The following CELSR2 variants were observed in gnomAD, a reference collection of about 807,000 sequenced individuals.
CELSR2 encodes the protein cadherin EGF LAG seven-pass G-type receptor 2, also known as EGF-like protein 2.
A neutral mutation model predicts 251.6 loss-of-function variants in CELSR2; 81 were observed. That is an observed-to-expected ratio of 0.32 (90% CI 0.27 to 0.39). The LOEUF is 0.39. Ranked by LOEUF, CELSR2 falls within the 10% of genes least tolerant of loss-of-function variation. The pLI is 1.00. For missense variants in CELSR2, 3,365 were observed against 3,947.7 expected (o/e 0.85, Z 3.96); for synonymous variants, 1,721 against 1,670.5 (o/e 1.03, Z -0.74).
rs746129843 is a variant in CELSR2 at position 109,252,022 on chromosome 1, C to T, written c.1943C>T (p.Thr648Ile). Residue 648 changes from threonine (T) to isoleucine (I), a missense_variant, in exon 1 of 34, where the codon ACC (threonine) becomes ATC (isoleucine). Thr to Ile is a moderately conservative substitution (Grantham distance 89). Around this residue, in one of 5 missense-constraint regions of CELSR2, gnomAD observed 60 missense variants for 104.8 expected, o/e 0.57. Transcript: ENST00000271332. The surrounding 1 kb of genome is among the most constrained non-coding windows in gnomAD (Gnocchi z 4.8). ...CATAGTGTCATCACCTACCAGATCA[C>T]CAGTGGCAATACTCGAAACCGCTTC... ...DAHSVITYQI[T>I]SGNTRNRFSI... 1 of 1,614,136 alleles carries T rather than the reference C, an allele frequency of 6.2e-7. No individual in the cohort carries two copies. Among genetic ancestry groups the T allele is most frequent in the Admixed American group, 1.7e-5 (1 of 60,020 alleles).
Position 109,267,401 on chromosome 1 carries a change from C to G in CELSR2, c.6014-147C>G, listed in dbSNP as rs545868343. 135 of 661,784 alleles carry G rather than the reference C, an allele frequency of 2.0e-4. 3 individuals are homozygous for G. In the South Asian group the frequency reaches 2.5e-3, roughly 12 times the overall value. The allele number at this position is 661,784 out of a possible 1,614,324, so 41.0% of individuals were successfully genotyped here. On this transcript the variant is annotated intron_variant, in intron 15 of 33. Coordinates refer to ENST00000271332, the MANE Select transcript of CELSR2 (RefSeq NM_001408.3). Reference sequence around the variant, plus strand: ...ATTTTTGGCCCTGGTGTTCTACATACCTGTCTTCCTGTTTCACCAGGGCCC... The same window carrying G: ...ATTTTTGGCCCTGGTGTTCTACATAGCTGTCTTCCTGTTTCACCAGGGCCC...
intron 15 of CELSR2, among the ~76,000 whole-genome samples, chr1:109,266,701 GCA>G (rs1656204523): frequency 6.9e-6 from 1 of 144,690 alleles, no homozygotes; most frequent in Non-Finnish European, 1.5e-5. Flanking sequence ...GTGAGCCACT[GCA>G]CCCCACCACA....
rs1441649975 is a variant in CELSR2, at chr1:109,263,787, G to A, written c.5001+10G>A. The A allele has an allele frequency of 6.2e-7, 1 of 1,611,066 alleles. No individual in the cohort carries two copies. Among genetic ancestry groups the A allele is most frequent in the Middle Eastern group, 1.7e-4 (1 of 6,050 alleles). ...CACCATCACCCTACAGGTGATGCAT[G>A]GAAGGGCGGCTGGCCCTGGCCTGGC... On this transcript the variant is annotated intron_variant, in intron 9 of 33. Transcript: ENST00000271332.
intron 16 of CELSR2, 101 bp downstream of exon 16, chr1:109,267,743 C>T: frequency 1.3e-6 from 2 of 1,553,412 alleles, no homozygotes; most frequent in Non-Finnish European, 1.7e-6. Flanking sequence ...GAATTCCAGC[C>T]TGTGTGTTCC....
Position 109,269,911 on chromosome 1 carries a change from C to G in CELSR2, c.7108-22C>G, listed in dbSNP as rs1570792556. ...GGTCCTGCCCTTCCTAATTCCCTGG[C>G]CCCCTGCCACCTACTCTGCAGAATG... On this transcript the variant is annotated intron_variant, in intron 22 of 33. Coordinates refer to ENST00000271332, the MANE Select transcript of CELSR2 (RefSeq NM_001408.3). This position sits in a 1 kb window ranked among gnomAD's most constrained non-coding sequence, Gnocchi z 6.4. 1 of 1,614,058 alleles carries G rather than the reference C, an allele frequency of 6.2e-7. No homozygotes were observed. The highest frequency in any genetic ancestry group is 8.5e-7 in the Non-Finnish European group (1 of 1,179,968).
rs777769245 is a variant in CELSR2 at position 109,268,590 on chromosome 1, C to T, written c.6328C>T (p.Arg2110Trp). ...ACCTTGCCCACCCCAGAATCTGCTG[C>T]GGGTGGGCAGCGCCCTCCTGGACAC... ...QDVHFTENLL[R>W]VGSALLDTAN... Residue 2110 changes from arginine to tryptophan, a missense_variant, in exon 18 of 34, where the codon CGG (arginine) becomes TGG (tryptophan). Arg to Trp is a moderately radical substitution (Grantham distance 101, BLOSUM62 -3). Around this residue, in one of 5 missense-constraint regions of CELSR2, gnomAD observed 2,093 missense variants for 2,382.8 expected, o/e 0.88. Transcript: ENST00000271332. 113 of 1,608,570 alleles carry T rather than the reference C, an allele frequency of 7.0e-5. No individual in the cohort carries two copies. Among genetic ancestry groups the T allele is most frequent in the South Asian group, 2.9e-4 (26 of 90,598 alleles).
At position 109,269,637 on chromosome 1, in the gene CELSR2, C is replaced by T; in HGVS notation, c.6980+46C>T. The stretch of plus-strand genomic sequence containing the variant: ...CCCCCTCAGGCTTCGGGCTGAAAGT[C>T]CAGGCCCCTGCATGCCTCACCCTCC... On this transcript the variant is annotated intron_variant, in intron 21 of 33. Coordinates refer to ENST00000271332, the MANE Select transcript of CELSR2 (RefSeq NM_001408.3). The surrounding 1 kb of genome is among the most constrained non-coding windows in gnomAD (Gnocchi z 6.4). The T allele has an allele frequency of 6.2e-7, 1 of 1,613,550 alleles. No homozygotes were observed. The highest frequency in any genetic ancestry group is 1.1e-5 in the South Asian group (1 of 91,068).
intron 24 of CELSR2, 128 bp downstream of exon 24, chr1:109,270,728 T>C: frequency 7.9e-7 from 1 of 1,267,940 alleles, no homozygotes; most frequent in Middle Eastern, 1.9e-4. Flanking sequence ...TATTCACAGG[T>C]GTCCCTCTGG....
chr1:109,265,380 G>A, intron 13 of CELSR2, 69 bp downstream of exon 13: 1 of 1,498,554 alleles, frequency 6.7e-7, no homozygotes, highest in Non-Finnish European at 9.0e-7. Flanking sequence ...GGCCCTAGAG[G>A]GCAGGCTGTA....
rs1450662399 is a variant in CELSR2, at chr1:109,269,126, C to T, written c.6648C>T (p.Val2216=). Residue 2216 remains valine (V), a synonymous_variant, in exon 20 of 34, where the codon GTC becomes GTT. Transcript: ENST00000271332. This position sits in a 1 kb window ranked among gnomAD's most constrained non-coding sequence, Gnocchi z 6.4. The part of the protein sequence containing the change: ...ESVFRETPPV[V]RPAGPGEAQE... ...CCCTCCCAGAGACGCCCCCCGTGGT[C>T]AGGCCCGCAGGCCCCGGAGAGGCCC... 1 of 1,601,650 alleles carries T rather than the reference C, an allele frequency of 6.2e-7. No homozygotes were observed. Among genetic ancestry groups the T allele is most frequent in the African/African-American group, 1.3e-5 (1 of 74,278 alleles).
intron 15 of CELSR2, 23 bp downstream of exon 15, chr1:109,266,229 T>G (rs367743366): frequency 4.3e-6 from 7 of 1,613,002 alleles, no homozygotes; most frequent in Non-Finnish European, 5.9e-6. Context: ...GGCCCCGATG[T>G]GATGTCGAGG....
At chr1:109,263,459 G>T in intron 8 of CELSR2, 152 bp from the exon 9 acceptor site, 2 of 1,355,594 alleles carry the variant, frequency 1.5e-6, no homozygotes, top group Non-Finnish European at 2.0e-6. Context: ...GGCACAGCGT[G>T]GGGCGGTCCC....
chr1:109,268,197 G>A, intron 17 of CELSR2, 137 bp downstream of exon 17: 3 of 1,301,416 alleles, frequency 2.3e-6, no homozygotes, highest in Non-Finnish European at 3.1e-6. Context: ...AGGCCTCCAT[G>A]AAACCCTGTG....
chr1:109,250,801 T>C lies in CELSR2; in HGVS notation c.722T>C (p.Val241Ala). 1.9e-6 allele frequency: 3 copies of C among 1,614,064 alleles called. No individual in the cohort carries two copies. Among genetic ancestry groups the C allele is most frequent in the Non-Finnish European group, 2.5e-6 (3 of 1,180,010 alleles). ...FFSLDPVTGA[V>A]TTAEELDRET... ...TCCCTGGACCCAGTCACTGGTGCAG[T>C]AACCACAGCCGAGGAGCTGGATCGT... The change falls in exon 1 of 34, where the codon GTA becomes GCA. Residue 241 changes from valine to alanine, a missense_variant. Physicochemically the swap from Val to Ala is moderately conservative, Grantham distance 64. Transcript: ENST00000271332. This position sits in a 1 kb window ranked among gnomAD's most constrained non-coding sequence, Gnocchi z 4.4.
Position 109,267,871 on chromosome 1 carries a change from T to C in CELSR2, c.6129T>C (p.Asn2043=). 1 of 1,604,312 alleles carries C rather than the reference T, an allele frequency of 6.2e-7. No individual in the cohort carries two copies. Among genetic ancestry groups the C allele is most frequent in the Non-Finnish European group, 8.5e-7 (1 of 1,175,514 alleles). Residue 2043 remains asparagine, a synonymous_variant, in exon 17 of 34, where the codon AAT becomes AAC. Transcript: ENST00000271332. ...LKGFAERLQR[N]ESGLDSGRSQ... Reference sequence around the variant, plus strand: ...TCTAGGCTGAGCGGCTACAGCGGAATGAGTCAGGCCTAGACTCAGGGCGCT... The same window carrying C: ...TCTAGGCTGAGCGGCTACAGCGGAACGAGTCAGGCCTAGACTCAGGGCGCT...
At chr1:109,270,285 G>T (rs1054696243) in intron 23 of CELSR2, 141 bp from the exon 24 acceptor site, 8 of 1,266,388 alleles carry the variant, frequency 6.3e-6, no homozygotes, top group Non-Finnish European at 8.9e-6. Context: ...GCTCCCCCGG[G>T]ATCCCCCAGC....
chr1:109,270,858 C>A lies in CELSR2; in HGVS notation c.7484-69C>A. ...TTCATGCCTGGCCCTGTGAGCCCACCTGCCCGCAGCCCTACTTCCCAGGCC... is the reference window on the plus strand; with the variant it reads ...TTCATGCCTGGCCCTGTGAGCCCACATGCCCGCAGCCCTACTTCCCAGGCC... On this transcript the variant is annotated intron_variant, in intron 24 of 33. Transcript: ENST00000271332. 2.5e-6 allele frequency: 3 copies of A among 1,185,090 alleles called. No individual in the cohort carries two copies. The South Asian group carries it at 4.0e-5, about 16-fold the overall frequency. The allele number at this position is 1,185,090 out of a possible 1,614,324, so 73.4% of individuals were successfully genotyped here. A position where few individuals can be genotyped will look rare whatever the true frequency, so the allele number is the denominator to read the frequency against.
rs751483830 is a variant in CELSR2, at chr1:109,269,132, C to T, written c.6654C>T (p.Pro2218=). The T allele has an allele frequency of 3.2e-5, 51 of 1,606,534 alleles. No homozygotes were observed. Among genetic ancestry groups the T allele is most frequent in the African/African-American group, 1.3e-4 (10 of 74,526 alleles). ...VFRETPPVVR[P]AGPGEAQEPE... is the part of the protein sequence containing the mutation. ...CAGAGACGCCCCCCGTGGTCAGGCC[C>T]GCAGGCCCCGGAGAGGCCCAGGAGC... is the stretch of plus-strand genomic sequence containing the variant. The change falls in exon 20 of 34, where the codon CCC becomes CCT. Residue 2218 remains proline (P), a synonymous_variant. Coordinates refer to ENST00000271332, the MANE Select transcript of CELSR2 (RefSeq NM_001408.3). This position sits in a 1 kb window ranked among gnomAD's most constrained non-coding sequence, Gnocchi z 6.4.
chr1:109,263,743 C>T lies in CELSR2; in HGVS notation c.4967C>T (p.Ala1656Val). The T allele has an allele frequency of 6.2e-7, 1 of 1,613,726 alleles. No individual in the cohort carries two copies. Among genetic ancestry groups the T allele is most frequent in the Non-Finnish European group, 8.5e-7 (1 of 1,179,982 alleles). Residue 1656 changes from alanine (A) to valine (V), a missense_variant, in exon 9 of 34, where the codon GCC (alanine) becomes GTC (valine). Ala to Val is a moderately conservative substitution (Grantham distance 64). Around this residue, in one of 5 missense-constraint regions of CELSR2, gnomAD observed 2,093 missense variants for 2,382.8 expected, o/e 0.88. Transcript: ENST00000271332. ...TRQADGVLLQ[A>V]ITRGRSTITL... ...CAGGCCGACGGTGTCCTGCTGCAGG[C>T]CATCACCAGGGGGCGCAGCACCATC... is the stretch of plus-strand genomic sequence containing the variant.
Sources: allele counts gnomAD v4.1 joint callset (sites outside exome capture counted in the v4.1 genomes callset), GRCh38; gene constraint gnomAD v4.1.1; regional missense constraint gnomAD v4.1.1; non-coding constraint Gnocchi (gnomAD v3.1); transcripts MANE v1.5; gene names NCBI Gene and HGNC (gene_info 2026-07-23, HGNC 2026-07-21).